RALGAPA2: variants seen among roughly 807,000 people sequenced by gnomAD.
The protein encoded by RALGAPA2 is Ral GTPase activating protein catalytic subunit alpha 2, also known as ral GTPase-activating protein subunit alpha-2.
RALGAPA2 carries 139 observed loss-of-function variants against 230.4 expected under a neutral mutation model. The ratio of observed to expected loss-of-function variants is 0.60; its 90% CI spans 0.53 to 0.69. The LOEUF (loss-of-function observed/expected upper bound fraction) is 0.69. RALGAPA2 is among the 30% of genes least tolerant of loss of function. The pLI is 0.00. For synonymous variants in RALGAPA2, 847 were observed against 837.8 expected (o/e 1.01, Z -0.19); for missense variants, 2,163 against 2,276.0 (o/e 0.95, Z 1.01).
intron 1 of RALGAPA2, among the ~76,000 whole-genome samples, chr20:20,708,238 A>G (rs1007194982): frequency 1.3e-5 from 2 of 152,210 alleles, no homozygotes; most frequent in African/African-American, 4.8e-5. Flanking sequence ...TGTGGTCACT[A>G]AAAAAGATTA....
intron 37 of RALGAPA2, among the ~76,000 whole-genome samples, chr20:20,462,425 GGA>G (rs1490170708): frequency 8.5e-5 from 13 of 152,210 alleles, no homozygotes; most frequent in Admixed American, 3.3e-4. Context: ...TCATCACGGA[GGA>G]GAAAAGGGAG....
chr20:20,503,633 C>T (rs1042114792), intron 34 of RALGAPA2, 127 bp from the exon 35 acceptor site: 5 of 726,430 alleles, frequency 6.9e-6, no homozygotes, highest in Non-Finnish European at 9.7e-6. Flanking sequence ...TGATTACAAA[C>T]AAATGTAATA....
Position 20,712,600 on chromosome 20 carries a change from TGCTGCC to T in RALGAPA2, c.-126_-121del. ...GGCCACTCGCCGCCCCCAGCCCCGC[TGCTGCC>T]GCCGCCGCCGCCGCCGCCGCCGCCT... On this transcript the variant is annotated 5_prime_UTR_variant, in exon 1 of 40. Transcript: ENST00000202677. The surrounding 1 kb of genome is among the most constrained non-coding windows in gnomAD (Gnocchi z 5.5). 8.6e-7 allele frequency: 1 copy of T among 1,161,764 alleles called. No individual in the cohort carries two copies. The allele number at this position is 1,161,764 out of a possible 1,614,324, so 72.0% of individuals were successfully genotyped here.
chr20:20,616,168 GT>G lies in RALGAPA2; in HGVS notation c.1562del (p.Asn521ThrfsTer15). 6.5e-7 allele frequency: 1 copy of G among 1,528,632 alleles called. No homozygotes were observed. The highest frequency in any genetic ancestry group is 8.8e-7 in the Non-Finnish European group (1 of 1,140,006). The allele number at this position is 1,528,632 out of a possible 1,614,324, so 94.7% of individuals were successfully genotyped here. A position where few individuals can be genotyped will look rare whatever the true frequency, so the allele number is the denominator to read the frequency against. On this transcript the variant is annotated frameshift_variant, in exon 13 of 40. Transcript: ENST00000202677. LOFTEE classifies it high-confidence loss of function. ...CAGCACATGGTTCCAACAAAAAGAT[GT>G]TTGCAGAGTTCGTCAAAAATACCTT... The part of the protein sequence containing the change: ...LLQVFLTNSA[N>X]IFLLEPCAEV...
intron 35 of RALGAPA2, 26 bp from the exon 36 acceptor site, chr20:20,495,301 T>C (rs775762289): frequency 8.0e-6 from 12 of 1,498,720 alleles, no homozygotes; most frequent in Non-Finnish European, 1.1e-5. Flanking sequence ...GACTGTTTAT[T>C]AATCAGGGTG....
At chr20:20,439,759 C>T (rs1296745935) in intron 37 of RALGAPA2, among the ~76,000 whole-genome samples, 1 of 152,104 alleles carries the variant, frequency 6.6e-6, no homozygotes, top group Non-Finnish European at 1.5e-5. Context: ...TTCTACAGTT[C>T]GTTTTTTCCT....
chr20:20,624,045 C>T (rs977229478), intron 10 of RALGAPA2, among the ~76,000 whole-genome samples: 6 of 152,006 alleles, frequency 3.9e-5, no homozygotes, highest in African/African-American at 7.2e-5. Context: ...AGGAAAAAGA[C>T]GCTGGACGCG....
chr20:20,601,204 T>C (rs376299269), intron 16 of RALGAPA2, among the ~76,000 whole-genome samples: 10 of 152,372 alleles, frequency 6.6e-5, no homozygotes, highest in African/African-American at 2.2e-4. Context: ...AGTTGTTAAC[T>C]GAAATACGCT....
intron 26 of RALGAPA2, among the ~76,000 whole-genome samples, chr20:20,535,341 C>A (rs1434761417): frequency 2.0e-5 from 3 of 152,138 alleles, no homozygotes; most frequent in Non-Finnish European, 4.4e-5. Context: ...CAGAAGCAGC[C>A]AGAATATTTC....
chr20:20,620,441 A>G, intron 11 of RALGAPA2, 22 bp downstream of exon 11: 3 of 1,611,024 alleles, frequency 1.9e-6, no homozygotes, highest in Non-Finnish European at 2.5e-6. Flanking sequence ...CCTCAACTCA[A>G]AAGACAAGTG....
At chr20:20,535,915 A>G (rs1007049024) in intron 25 of RALGAPA2, 112 bp from the exon 26 acceptor site, 4 of 1,420,708 alleles carry the variant, frequency 2.8e-6, no homozygotes, top group Admixed American at 5.5e-5. Context: ...CAGGGAGCTC[A>G]GAGAGCTCAT....
intron 37 of RALGAPA2, among the ~76,000 whole-genome samples, chr20:20,425,179 C>T (rs1440175913): frequency 6.6e-6 from 1 of 152,116 alleles, no homozygotes; most frequent in Non-Finnish European, 1.5e-5. Flanking sequence ...ACATCTATAG[C>T]AGATACTCTG....
At chr20:20,459,505 G>A (rs2061252086) in intron 37 of RALGAPA2, among the ~76,000 whole-genome samples, 2 of 151,106 alleles carry the variant, frequency 1.3e-5, no homozygotes, top group South Asian at 4.2e-4. Context: ...TAGTGGGTTG[G>A]AGGCAGGTGT....
intron 37 of RALGAPA2, among the ~76,000 whole-genome samples, chr20:20,425,079 C>T (rs2060354074): frequency 6.6e-6 from 1 of 152,198 alleles, no homozygotes; most frequent in Admixed American, 6.5e-5. Flanking sequence ...CAGAATAGTT[C>T]ATATCTAGGT....
At chr20:20,452,602 C>T (rs972107249) in intron 37 of RALGAPA2, among the ~76,000 whole-genome samples, 2 of 152,204 alleles carry the variant, frequency 1.3e-5, no homozygotes, top group African/African-American at 4.8e-5. Context: ...AGCTAGCAAG[C>T]GGCAACGGCC....
intron 37 of RALGAPA2, among the ~76,000 whole-genome samples, chr20:20,444,698 T>C (rs1602386614): frequency 2.0e-5 from 3 of 152,222 alleles, no homozygotes; most frequent in East Asian, 3.8e-4. Context: ...ACCAGCAGCA[T>C]TTCAGAGTTC....
intron 23 of RALGAPA2, among the ~76,000 whole-genome samples, chr20:20,570,037 A>G (rs2064574797): frequency 6.6e-6 from 1 of 152,162 alleles, no homozygotes; most frequent in Admixed American, 6.6e-5. Flanking sequence ...TCATTCTGTA[A>G]AAGATGCTTC....
At chr20:20,549,724 CAAA>C (rs2145740804) in intron 23 of RALGAPA2, among the ~76,000 whole-genome samples, 1 of 152,324 alleles carries the variant, frequency 6.6e-6, no homozygotes, top group East Asian at 1.9e-4. Flanking sequence ...GGGACATCCA[CAAA>C]ATGCCCCACT....
intron 10 of RALGAPA2, among the ~76,000 whole-genome samples, chr20:20,628,309 CTCT>C (rs1184701238): frequency 5.3e-5 from 8 of 152,172 alleles, no homozygotes; most frequent in East Asian, 1.9e-4. Flanking sequence ...ATGTCTAAGA[CTCT>C]TCTTCTCCTC....
Sources: gnomAD v4.1 joint callset for allele counts (sites outside exome capture counted in the v4.1 genomes callset) on GRCh38, gnomAD v4.1.1 for gene constraint, Gnocchi (gnomAD v3.1) non-coding constraint, MANE v1.5 for transcripts, NCBI Gene and HGNC (gene_info 2026-07-23, HGNC 2026-07-21) for gene names.